FBXW8: variants seen among roughly 807,000 people sequenced by gnomAD.
The protein encoded by FBXW8 is F-box/WD repeat-containing protein 8.
A neutral mutation model predicts 65.3 loss-of-function variants in FBXW8; 57 were observed. The ratio of observed to expected loss-of-function variants is 0.87; its 90% CI spans 0.71 to 1.09. FBXW8 has a LOEUF of 1.09. FBXW8 is among the 50% of genes least tolerant of loss of function. The pLI is 0.00. For synonymous variants in FBXW8, 308 were observed against 330.2 expected (o/e 0.93, Z 0.73); for missense variants, 777 against 814.8 (o/e 0.95, Z 0.57).
In FBXW8 at chr12:116,917,405, C is replaced by T. The variant is rs77201742; in HGVS notation, c.318+6050C>T. Among the ~76,000 whole-genome samples, 748 of 152,274 alleles carry T rather than the reference C, an allele frequency of 4.9e-3. 9 individuals carry two copies. The highest frequency in any genetic ancestry group is 0.017 in the African/African-American group (707 of 41,544). ...GACTCCCTAGAATCTTTAACAGAAGCTGATCCACTTGACATGAATGGGAAA... is the reference window on the plus strand; with the variant it reads ...GACTCCCTAGAATCTTTAACAGAAGTTGATCCACTTGACATGAATGGGAAA... On this transcript the variant is annotated intron_variant, in intron 1 of 10. Coordinates refer to ENST00000652555, the MANE Select transcript of FBXW8 (RefSeq NM_153348.3).
intron 1 of FBXW8, among the ~76,000 whole-genome samples, chr12:116,912,424 A>G (rs1880039163): frequency 6.7e-6 from 1 of 149,922 alleles, no homozygotes. Context: ...TCCTGGGCCC[A>G]AGTGATCCTC....
At position 117,027,553 on chromosome 12, in the gene FBXW8, G is replaced by T. The variant is rs371258911; in HGVS notation, c.1652+49G>T. 3.9e-5 allele frequency: 55 copies of T among 1,414,020 alleles called. No homozygotes were observed. The African/African-American group carries it at 6.3e-4, about 16-fold the overall frequency. 87.6% of individuals were successfully genotyped at this position (1,414,020 alleles called of 1,614,324 possible). A position where few individuals can be genotyped will look rare whatever the true frequency, so the allele number is the denominator to read the frequency against. ...AAGAGACCATCTTAGTTTGACTGATGTATAGAACCCCACCCCCCCCGCCGT... is the reference window on the plus strand; with the variant it reads ...AAGAGACCATCTTAGTTTGACTGATTTATAGAACCCCACCCCCCCCGCCGT... On this transcript the variant is annotated intron_variant, in intron 10 of 10. Coordinates refer to ENST00000652555, the MANE Select transcript of FBXW8 (RefSeq NM_153348.3).
chr12:116,934,748 C>A (rs1455613321), intron 2 of FBXW8, among the ~76,000 whole-genome samples: 2 of 152,186 alleles, frequency 1.3e-5, no homozygotes, highest in Admixed American at 1.3e-4. Flanking sequence ...CAGTAGCAAA[C>A]CAGGACCTGA....
intron 5 of FBXW8, among the ~76,000 whole-genome samples, chr12:116,984,944 A>G (rs1318941118): frequency 6.6e-6 from 1 of 152,218 alleles, no homozygotes; most frequent in East Asian, 1.9e-4. Flanking sequence ...GAGCTATGAT[A>G]GCACCACTGC....
intron 2 of FBXW8, among the ~76,000 whole-genome samples, chr12:116,942,374 AT>A (rs57576794): frequency 4.2e-4 from 56 of 133,992 alleles, no homozygotes; most frequent in East Asian, 3.9e-3. Context: ...AAGTTTCCTG[AT>A]TTTTTTTTTT....
chr12:117,022,849 G>GT (rs1954133159), intron 8 of FBXW8, among the ~76,000 whole-genome samples: 1 of 152,136 alleles, frequency 6.6e-6, no homozygotes, highest in Non-Finnish European at 1.5e-5. Flanking sequence ...CTTTACAGAT[G>GT]TGTTTTTCAT....
At chr12:116,924,126 T>C (rs1425171349) in intron 1 of FBXW8, among the ~76,000 whole-genome samples, 4 of 152,182 alleles carry the variant, frequency 2.6e-5, no homozygotes, top group African/African-American at 9.6e-5. Flanking sequence ...TCTTGGAATA[T>C]CTTTGTTTCT....
At chr12:117,019,787 C>T (rs1954045228) in intron 8 of FBXW8, among the ~76,000 whole-genome samples, 1 of 152,092 alleles carries the variant, frequency 6.6e-6, no homozygotes, top group African/African-American at 2.4e-5. Context: ...AACATGGCAG[C>T]GTCCAGAATA....
chr12:116,968,682 A>T (rs1884472472), intron 5 of FBXW8, among the ~76,000 whole-genome samples: 1 of 152,206 alleles, frequency 6.6e-6, no homozygotes, highest in Non-Finnish European at 1.5e-5. Context: ...CCAGCAAGCC[A>T]TGAGAGTGTG....
intron 7 of FBXW8, among the ~76,000 whole-genome samples, chr12:117,007,657 AGTG>A (rs1304514060): frequency 6.6e-6 from 1 of 152,188 alleles, no homozygotes; most frequent in Non-Finnish European, 1.5e-5. Context: ...GAATGAGTCA[AGTG>A]GTCATGGGTT....
At chr12:116,934,875 A>G (rs1882046906) in intron 2 of FBXW8, among the ~76,000 whole-genome samples, 1 of 152,236 alleles carries the variant, frequency 6.6e-6, no homozygotes, top group African/African-American at 2.4e-5. Flanking sequence ...GTCAACATGT[A>G]GAACATTCAT....
chr12:116,916,884 T>TCG (rs1880455233), intron 1 of FBXW8, among the ~76,000 whole-genome samples: 2 of 123,718 alleles, frequency 1.6e-5, no homozygotes, highest in Non-Finnish European at 3.6e-5. Flanking sequence ...GGTTGGCTAA[T>TCG]TGTGCGTGTG....
At chr12:116,949,763 A>C in intron 4 of FBXW8, 57 bp downstream of exon 4, 109 of 1,498,396 alleles carry the variant, frequency 7.3e-5, no homozygotes, top group Non-Finnish European at 9.2e-5. Context: ...CATTTTTCTC[A>C]TACCACCCTC....
At chr12:116,983,206 C>A (rs919023979) in intron 5 of FBXW8, among the ~76,000 whole-genome samples, 33 of 152,084 alleles carry the variant, frequency 2.2e-4, no homozygotes, top group African/African-American at 7.5e-4. Flanking sequence ...GAAGGAAGCC[C>A]ATGTTAAGAG....
At chr12:117,027,191 C>A (rs1333768161) in intron 9 of FBXW8, among the ~76,000 whole-genome samples, 1 of 152,216 alleles carries the variant, frequency 6.6e-6, no homozygotes, top group Non-Finnish European at 1.5e-5. Context: ...TTTACAAAGT[C>A]ATGCCCAAAG....
rs1954287157 is a variant in FBXW8, at chr12:117,028,252, C to T, written c.*80C>T. 6.5e-7 allele frequency: 1 copy of T among 1,545,662 alleles called. No homozygotes were observed. Among genetic ancestry groups the T allele is most frequent in the African/African-American group, 1.4e-5 (1 of 73,646 alleles). Reference sequence around the variant, plus strand: ...TCTTAAAACGCCAGGCACCTCTTCACAGGTGGTAAACATTTAGGGGAAGAA... The same window carrying T: ...TCTTAAAACGCCAGGCACCTCTTCATAGGTGGTAAACATTTAGGGGAAGAA... On this transcript the variant is annotated 3_prime_UTR_variant, in exon 11 of 11. Transcript: ENST00000652555. This position sits in a 1 kb window ranked among gnomAD's most constrained non-coding sequence, Gnocchi z 4.1.
intron 5 of FBXW8, among the ~76,000 whole-genome samples, chr12:116,973,081 G>A (rs533198661): frequency 4.6e-5 from 7 of 152,232 alleles, no homozygotes; most frequent in African/African-American, 1.7e-4. Context: ...CCAAACCTGG[G>A]ACAACTGGAG....
At chr12:116,932,807 C>G (rs1368539723) in intron 2 of FBXW8, among the ~76,000 whole-genome samples, 1 of 152,238 alleles carries the variant, frequency 6.6e-6, no homozygotes, top group South Asian at 2.1e-4. Flanking sequence ...GCTGGGATTA[C>G]AGGCGTGAGC....
At chr12:116,995,517 G>C (rs1953353879) in intron 7 of FBXW8, among the ~76,000 whole-genome samples, 1 of 152,014 alleles carries the variant, frequency 6.6e-6, no homozygotes, top group East Asian at 1.9e-4. Context: ...CCTAACAGCT[G>C]TGCCTATTGC....
Sources: allele counts gnomAD v4.1 joint callset (sites outside exome capture counted in the v4.1 genomes callset), GRCh38; gene constraint gnomAD v4.1.1; non-coding constraint Gnocchi (gnomAD v3.1); transcripts MANE v1.5; gene names NCBI Gene and HGNC (gene_info 2026-07-23, HGNC 2026-07-21).